The following GPM6B variants were observed in gnomAD, a reference collection of about 807,000 sequenced individuals.
GPM6B encodes the protein neuronal membrane glycoprotein M6-b.
In GPM6B, 4 loss-of-function variants were observed where a neutral mutation model predicts 27.2. The ratio of observed to expected loss-of-function variants is 0.15; its 90% CI spans 0.07 to 0.34. The LOEUF (loss-of-function observed/expected upper bound fraction) is 0.34, where lower values mean the gene tolerates loss of function less well. GPM6B is among the 10% of genes least tolerant of loss of function. The pLI is 1.00. For missense variants in GPM6B, 183 were observed against 261.9 expected (o/e 0.70, Z 2.08); for synonymous variants, 124 against 103.1 (o/e 1.20, Z -1.23).
At chrX:13,839,580 C>A (rs186998648) in intron 1 of GPM6B, among the ~76,000 whole-genome samples, 1 of 111,279 alleles carries the variant, frequency 9.0e-6, no homozygotes, top group Non-Finnish European at 1.9e-5. Context: ...CTGGCTCAGC[C>A]TCTTTCTGGT....
chrX:13,818,107 A>T (rs2049267546), upstream of GPM6B, among the ~76,000 whole-genome samples: 1 of 112,040 alleles, frequency 8.9e-6, no homozygotes, highest in African/African-American at 3.2e-5. Flanking sequence ...ACCCATACCA[A>T]CATATAAGCC....
chrX:13,777,228 G>T, intron 6 of GPM6B, 124 bp downstream of exon 6: 1 of 519,205 alleles, frequency 1.9e-6, no homozygotes. Context: ...CTATCTTAAA[G>T]ATTCTAAACA....
At chrX:13,838,165 T>C (rs1444569908) in intron 1 of GPM6B, among the ~76,000 whole-genome samples, 5 of 110,296 alleles carry the variant, frequency 4.5e-5, no homozygotes, top group Non-Finnish European at 9.5e-5. Flanking sequence ...GGATGCTTTA[T>C]CCTGAGACTT....
intron 2 of GPM6B, among the ~76,000 whole-genome samples, 177 bp downstream of exon 2, chrX:13,807,458 GGAATGGAGAGGGAGA>G (rs1277249053): frequency 1.8e-5 from 2 of 112,252 alleles, no homozygotes; most frequent in Non-Finnish European, 3.8e-5. Flanking sequence ...AAGATGGGGT[GGAATGGAGAGGGAGA>G]GAGAAAAAGA....
intron 1 of GPM6B, among the ~76,000 whole-genome samples, chrX:13,831,574 GTA>G (rs1431636691): frequency 4.3e-4 from 48 of 111,238 alleles, no homozygotes; most frequent in Non-Finnish European, 4.9e-4. Flanking sequence ...TCCTCTGACT[GTA>G]CAGGTCAAGT....
At chrX:13,799,190 ATTTTTTTTTTTTTTTTTTTTTTTTT>A (rs763194245) in intron 2 of GPM6B, among the ~76,000 whole-genome samples, 2 of 35,969 alleles carry the variant, frequency 5.6e-5, no homozygotes, top group South Asian at 2.3e-3. Flanking sequence ...AGCCAACCTA[ATTTTTTTTTTTTTTTTTTTTTTTTT>A]TTTTTTTTTT....
At chrX:13,895,717 GACCTCA>G (rs1472652950) in intron 1 of GPM6B, among the ~76,000 whole-genome samples, 2 of 111,664 alleles carry the variant, frequency 1.8e-5, no homozygotes, top group South Asian at 7.5e-4. Context: ...ACACTTCTAT[GACCTCA>G]AAATCCTCAT....
intron 1 of GPM6B, among the ~76,000 whole-genome samples, chrX:13,815,195 T>G (rs1440934773): frequency 2.7e-5 from 3 of 112,039 alleles, no homozygotes; most frequent in Non-Finnish European, 3.8e-5. Context: ...AAAAGGGATT[T>G]TTTTGCAAAG....
intron 1 of GPM6B, among the ~76,000 whole-genome samples, chrX:13,886,437 C>T: frequency 9.1e-6 from 1 of 109,998 alleles, no homozygotes; most frequent in East Asian, 2.8e-4. Flanking sequence ...CTGAAAAACG[C>T]TTCCACACAA....
intron 2 of GPM6B, among the ~76,000 whole-genome samples, chrX:13,789,791 C>CAA (rs1461734075): frequency 9.1e-6 from 1 of 109,443 alleles, no homozygotes; most frequent in African/African-American, 3.3e-5. Context: ...AAAACAAAAA[C>CAA]AAAAACAAAA....
At chrX:13,861,946 T>C (rs1235175736) in intron 1 of GPM6B, among the ~76,000 whole-genome samples, 1 of 111,513 alleles carries the variant, frequency 9.0e-6, no homozygotes, top group African/African-American at 3.3e-5. Flanking sequence ...GAACCCACGA[T>C]CCAGAAATGG....
chrX:13,785,872 C>G, intron 2 of GPM6B, 64 bp from the exon 3 acceptor site: 1 of 905,461 alleles, frequency 1.1e-6, no homozygotes, highest in Non-Finnish European at 1.5e-6. Flanking sequence ...TTCAAGAATA[C>G]CCCATATTCA....
intron 1 of GPM6B, among the ~76,000 whole-genome samples, chrX:13,887,448 C>T (rs1391047249): frequency 1.8e-5 from 2 of 111,817 alleles, no homozygotes; most frequent in Non-Finnish European, 3.8e-5. Context: ...GTCTCAGAAG[C>T]CCACCAGTCT....
upstream of GPM6B, chrX:13,817,428 G>C: frequency 1.5e-6 from 1 of 648,940 alleles, no homozygotes; most frequent in Non-Finnish European, 1.8e-6. Flanking sequence ...GAAGGAGAAA[G>C]AAAAGAGCCC....
At chrX:13,797,436 C>G (rs1169389718) in intron 2 of GPM6B, among the ~76,000 whole-genome samples, 1 of 111,129 alleles carries the variant, frequency 9.0e-6, no homozygotes, top group African/African-American at 3.3e-5. Flanking sequence ...ATGAAAAGCA[C>G]AAAGGAAGGA....
intron 1 of GPM6B, among the ~76,000 whole-genome samples, chrX:13,839,108 C>A (rs2049540690): frequency 8.9e-6 from 1 of 111,839 alleles, no homozygotes; most frequent in South Asian, 3.8e-4. Context: ...TCTCTGAAGC[C>A]TGCTACCTGG....
chrX:13,841,841 C>T (rs1288226632), intron 1 of GPM6B, among the ~76,000 whole-genome samples: 2 of 111,567 alleles, frequency 1.8e-5, no homozygotes, highest in Non-Finnish European at 3.8e-5. Context: ...GCCATGCTCA[C>T]CCACCATGTT....
At chrX:13,936,423 T>G (rs1921841001) in intron 1 of GPM6B, among the ~76,000 whole-genome samples, 1 of 112,109 alleles carries the variant, frequency 8.9e-6, no homozygotes, top group South Asian at 3.7e-4. Context: ...CTAATTGTAT[T>G]AAGAACCAAA....
At chrX:13,877,043 G>T (rs2050040763) in intron 1 of GPM6B, among the ~76,000 whole-genome samples, 1 of 111,075 alleles carries the variant, frequency 9.0e-6, no homozygotes, top group African/African-American at 3.3e-5. Flanking sequence ...TCACAGGGCA[G>T]GAGAGGACAC....
Sources: gnomAD v4.1 joint callset for allele counts (sites outside exome capture counted in the v4.1 genomes callset) on GRCh38, gnomAD v4.1.1 for gene constraint, MANE v1.5 for transcripts, NCBI Gene and HGNC (gene_info 2026-07-23, HGNC 2026-07-21) for gene names.